The following LHFPL3 variants were observed in gnomAD, a reference collection of about 807,000 sequenced individuals.
LHFPL3 encodes LHFPL tetraspan subfamily member 3 protein.
In LHFPL3, 5 loss-of-function variants were observed where a neutral mutation model predicts 19.3. That is an observed-to-expected ratio of 0.26 (90% CI 0.14 to 0.54). The LOEUF (loss-of-function observed/expected upper bound fraction) is 0.54. Ranked by LOEUF, LHFPL3 falls within the 20% of genes least tolerant of loss-of-function variation. LHFPL3 has a pLI of 0.94. For synonymous variants in LHFPL3, 133 were observed against 126.2 expected (o/e 1.05, Z -0.36); for missense variants, 249 against 307.4 (o/e 0.81, Z 1.42).
chr7:104,645,194 T>C (rs187797648), intron 1 of LHFPL3, among the ~76,000 whole-genome samples: 7 of 152,360 alleles, frequency 4.6e-5, no homozygotes, highest in Admixed American at 4.6e-4. Context: ...GCCGGGGTTA[T>C]GGCTAATGAG....
At chr7:104,385,975 A>T (rs1227235641) in intron 1 of LHFPL3, among the ~76,000 whole-genome samples, 1 of 152,020 alleles carries the variant, frequency 6.6e-6, no homozygotes, top group Non-Finnish European at 1.5e-5. Flanking sequence ...ATTTTTTGAG[A>T]GCTCTGGAAA....
intron 1 of LHFPL3, among the ~76,000 whole-genome samples, chr7:104,622,743 C>G (rs1791471587): frequency 6.6e-6 from 1 of 152,174 alleles, no homozygotes; most frequent in African/African-American, 2.4e-5. Flanking sequence ...TTTCAAGGGT[C>G]ATAAATGTTA....
chr7:104,857,727 G>A (rs1322984927), intron 2 of LHFPL3, among the ~76,000 whole-genome samples: 1 of 152,200 alleles, frequency 6.6e-6, no homozygotes, highest in African/African-American at 2.4e-5. Flanking sequence ...CTGGAGAATT[G>A]TAATTTTTAA....
At chr7:104,725,188 T>G (rs904729092) in intron 1 of LHFPL3, among the ~76,000 whole-genome samples, 10 of 152,186 alleles carry the variant, frequency 6.6e-5, no homozygotes, top group African/African-American at 2.2e-4. Flanking sequence ...CTGTTTTTTT[T>G]TATCCCAATT....
intron 1 of LHFPL3, among the ~76,000 whole-genome samples, chr7:104,449,394 G>A (rs1240495945): frequency 2.0e-5 from 3 of 152,020 alleles, no homozygotes; most frequent in Non-Finnish European, 2.9e-5. Flanking sequence ...GTACAGGTGT[G>A]GCAATCTGAG....
chr7:104,447,663 T>C (rs2116594254), intron 1 of LHFPL3, among the ~76,000 whole-genome samples: 1 of 152,290 alleles, frequency 6.6e-6, no homozygotes, highest in Admixed American at 6.5e-5. Context: ...AACCCTAGGC[T>C]AGGGTTCTTA....
intron 1 of LHFPL3, among the ~76,000 whole-genome samples, chr7:104,652,897 G>A (rs886955637): frequency 6.6e-6 from 1 of 151,978 alleles, no homozygotes; most frequent in Non-Finnish European, 1.5e-5. Context: ...GCAGAGTCAG[G>A]GAAGTGGAAA....
At chr7:104,603,339 G>C (rs767195484) in intron 1 of LHFPL3, among the ~76,000 whole-genome samples, 1 of 151,944 alleles carries the variant, frequency 6.6e-6, no homozygotes, top group Non-Finnish European at 1.5e-5. Context: ...GGGACTACAG[G>C]TGCATGCCAG....
At chr7:104,824,529 TATA>T (rs1790770379) in intron 2 of LHFPL3, among the ~76,000 whole-genome samples, 1 of 62,028 alleles carries the variant, frequency 1.6e-5, no homozygotes, top group Admixed American at 3.1e-4. Context: ...TTATTTTATA[TATA>T]ATATATATAA....
intron 1 of LHFPL3, among the ~76,000 whole-genome samples, chr7:104,571,568 C>G (rs1200804008): frequency 6.6e-6 from 1 of 152,196 alleles, no homozygotes; most frequent in Non-Finnish European, 1.5e-5. Context: ...AAGCAGCTCA[C>G]TCCTTTGAAT....
At chr7:104,521,706 C>G (rs903415705) in intron 1 of LHFPL3, among the ~76,000 whole-genome samples, 8 of 152,188 alleles carry the variant, frequency 5.3e-5, no homozygotes, top group Admixed American at 4.6e-4. Context: ...AACAAACAAC[C>G]CCATCAAAAA....
At chr7:104,761,931 A>T (rs899682697) in intron 2 of LHFPL3, among the ~76,000 whole-genome samples, 4 of 152,222 alleles carry the variant, frequency 2.6e-5, no homozygotes, top group Non-Finnish European at 5.9e-5. Flanking sequence ...TTTTTGCCAG[A>T]TACCACCAAA....
At chr7:104,644,253 G>A (rs573944459) in intron 1 of LHFPL3, among the ~76,000 whole-genome samples, 10 of 152,256 alleles carry the variant, frequency 6.6e-5, no homozygotes, top group African/African-American at 2.4e-4. Context: ...TCGATCCCAT[G>A]GCTATAGGTG....
chr7:104,524,248 A>G (rs575684280), intron 1 of LHFPL3, among the ~76,000 whole-genome samples: 1 of 152,292 alleles, frequency 6.6e-6, no homozygotes, highest in African/African-American at 2.4e-5. Flanking sequence ...AAAGGTAGAC[A>G]TACCCAACAC....
At chr7:104,842,810 A>G (rs897679366) in intron 2 of LHFPL3, among the ~76,000 whole-genome samples, 9 of 152,198 alleles carry the variant, frequency 5.9e-5, no homozygotes, top group Non-Finnish European at 1.0e-4. Context: ...GCAAACACCA[A>G]TTCAACATAC....
intron 1 of LHFPL3, among the ~76,000 whole-genome samples, chr7:104,343,248 C>T (rs1378189661): frequency 1.3e-5 from 2 of 151,882 alleles, no homozygotes; most frequent in African/African-American, 2.4e-5. Flanking sequence ...GGTGTGGTGA[C>T]TCTCACCTGT....
intron 2 of LHFPL3, among the ~76,000 whole-genome samples, chr7:104,880,966 C>G (rs1408616340): frequency 1.3e-5 from 2 of 151,998 alleles, no homozygotes; most frequent in Non-Finnish European, 2.9e-5. Context: ...GTCAGGAGAT[C>G]AAGACCTTCC....
At chr7:104,731,200 T>C (rs1176011890) in intron 1 of LHFPL3, among the ~76,000 whole-genome samples, 2 of 152,200 alleles carry the variant, frequency 1.3e-5, no homozygotes, top group African/African-American at 4.8e-5. Flanking sequence ...CTTTGTTCTT[T>C]TGGCTTAGGA....
At chr7:104,709,572 C>T (rs1793258399) in intron 1 of LHFPL3, among the ~76,000 whole-genome samples, 1 of 150,626 alleles carries the variant, frequency 6.6e-6, no homozygotes, top group South Asian at 2.1e-4. Flanking sequence ...TTAACAGCAT[C>T]CCAAGGCAGA....
Sources: allele counts gnomAD v4.1 joint callset (sites outside exome capture counted in the v4.1 genomes callset), GRCh38; gene constraint gnomAD v4.1.1; transcripts MANE v1.5; gene names NCBI Gene and HGNC (gene_info 2026-07-23, HGNC 2026-07-21).